RP2: variants seen among roughly 807,000 people sequenced by gnomAD.
RP2 encodes the protein RP2 activator of ARL3 GTPase.
RP2 carries 3 observed loss-of-function variants against 20.3 expected under a neutral mutation model. That is an observed-to-expected ratio of 0.15 (90% CI 0.07 to 0.38). The LOEUF is 0.38. RP2 is among the 10% of genes least tolerant of loss of function. RP2 has a pLI of 1.00. For missense variants in RP2, 233 were observed against 268.5 expected, an observed-to-expected ratio of 0.87 and a Z score of 0.92; for synonymous variants, 75 against 94.8, an observed-to-expected ratio of 0.79 and a Z score of 1.22.
chrX:46,847,724 G>GTGTATATATACACACATA (rs1569531354), intron 1 of RP2, among the ~76,000 whole-genome samples: 1 of 96,634 alleles, frequency 1.0e-5, no homozygotes, highest in African/African-American at 3.8e-5. Flanking sequence ...ACATATATGT[G>GTGTATATATACACACATA]TGTGTGTATA....
intron 4 of RP2, 38 bp downstream of exon 4, chrX:46,877,628 TC>T (rs1556327887): frequency 3.2e-6 from 3 of 934,526 alleles, no homozygotes; most frequent in Middle Eastern, 2.7e-4. Flanking sequence ...ATCTAACTTT[TC>T]ATTTCATCTC....
intron 2 of RP2, among the ~76,000 whole-genome samples, chrX:46,856,520 C>CT (rs1209215077): frequency 8.9e-6 from 1 of 112,178 alleles, no homozygotes; most frequent in Non-Finnish European, 1.9e-5. Flanking sequence ...GAAATAGGTG[C>CT]TATTATTCCC....
At chrX:46,863,310 G>A (rs1225480718) in intron 3 of RP2, among the ~76,000 whole-genome samples, 2 of 112,488 alleles carry the variant, frequency 1.8e-5, no homozygotes, top group Admixed American at 9.5e-5. Context: ...GATAGATGGT[G>A]TTTATTTTGT....
intron 1 of RP2, among the ~76,000 whole-genome samples, chrX:46,841,195 A>G (rs1203088531): frequency 1.8e-5 from 2 of 111,538 alleles, no homozygotes; most frequent in Non-Finnish European, 3.8e-5. Context: ...GGCTTCGTTG[A>G]GGACCTGATC....
chrX:46,853,299 A>C (rs1556318469), intron 1 of RP2, among the ~76,000 whole-genome samples, 177 bp from the exon 2 acceptor site: 1 of 111,670 alleles, frequency 9.0e-6, no homozygotes, highest in Non-Finnish European at 1.9e-5. Flanking sequence ...CATAGGTTTT[A>C]TATTATTATT....
intron 1 of RP2, among the ~76,000 whole-genome samples, chrX:46,839,866 T>C (rs184834205): frequency 1.8e-5 from 2 of 112,882 alleles, no homozygotes; most frequent in African/African-American, 6.4e-5. Flanking sequence ...ACCATTCAAC[T>C]TGTAAGACTT....
At chrX:46,838,326 C>T (rs1924552660) in intron 1 of RP2, among the ~76,000 whole-genome samples, 1 of 112,060 alleles carries the variant, frequency 8.9e-6, no homozygotes, top group Non-Finnish European at 1.9e-5. Context: ...TTCTCATACA[C>T]ACCCTTCTTG....
rs1569531829 is a variant in RP2, at chrX:46,860,081, T to A, written c.862T>A (p.Phe288Ile). 1 of 1,194,976 alleles carries A rather than the reference T, an allele frequency of 8.4e-7. No individual in the cohort carries two copies. The change falls in exon 3 of 5, where the codon TTC (phenylalanine) becomes ATC (isoleucine). Residue 288 changes from phenylalanine to isoleucine, a missense_variant. Around this residue, in one of 3 missense-constraint regions of RP2, gnomAD observed 118 missense variants for 123.8 expected, o/e 0.95. Transcript: ENST00000218340. The part of the protein sequence containing the change: ...QRVFREKAPD[F>I]LPLLNKGPVI... ...GGTTTTTCGGGAAAAAGCACCTGAC[T>A]TCCTTCCTCTTCTGAACAAAGGTAC...
intron 1 of RP2, among the ~76,000 whole-genome samples, chrX:46,837,431 TGTC>T (rs1418313674): frequency 9.0e-6 from 1 of 111,671 alleles, no homozygotes; most frequent in African/African-American, 3.3e-5. Flanking sequence ...AGGAGTTTGT[TGTC>T]GTGGTAGACA....
At chrX:46,845,540 A>C (rs1483807316) in intron 1 of RP2, among the ~76,000 whole-genome samples, 1 of 111,684 alleles carries the variant, frequency 9.0e-6, no homozygotes, top group Non-Finnish European at 1.9e-5. Flanking sequence ...TCACCAATCA[A>C]GATATAAAAT....
At position 46,862,443 on chromosome X, in the gene RP2, A is replaced by G. The variant is rs782212034; in HGVS notation, c.883+2341A>G. ...TGGGAGGCCAAGGCGGGCAGATCAC[A>G]AGGTCAGGAGATCAAGACCATCCTG... On this transcript the variant is annotated intron_variant, in intron 3 of 4. Transcript: ENST00000218340. Among the ~76,000 whole-genome samples, 421 of 108,461 alleles carry G rather than the reference A, an allele frequency of 3.9e-3. 1 individual carries two copies. Among genetic ancestry groups the G allele is most frequent in the Non-Finnish European group, 6.4e-3 (335 of 52,188 alleles). 94.2% of individuals were successfully genotyped at this position (108,461 alleles called of 115,157 possible). A position where few individuals can be genotyped will look rare whatever the true frequency, so the allele number is the denominator to read the frequency against.
intron 1 of RP2, among the ~76,000 whole-genome samples, chrX:46,846,851 G>C (rs1556316260): frequency 9.0e-6 from 1 of 110,749 alleles, no homozygotes; most frequent in African/African-American, 3.3e-5. Context: ...AGCCTCCCAA[G>C]TAGCTAGGAC....
chrX:46,851,659 C>T (rs1030915900), intron 1 of RP2, among the ~76,000 whole-genome samples: 3 of 109,739 alleles, frequency 2.7e-5, no homozygotes, highest in Admixed American at 9.7e-5. Flanking sequence ...AGGCCGGGCA[C>T]GGTGGCTCAC....
intron 1 of RP2, among the ~76,000 whole-genome samples, chrX:46,847,735 T>C (rs9779444): frequency 1.2e-4 from 11 of 94,147 alleles, no homozygotes; most frequent in East Asian, 1.0e-3. Flanking sequence ...TGTGTGTATA[T>C]ACACACATAT....
At chrX:46,876,685 T>C (rs1233363900) in intron 3 of RP2, among the ~76,000 whole-genome samples, 1 of 111,665 alleles carries the variant, frequency 9.0e-6, no homozygotes, top group Non-Finnish European at 1.9e-5. Context: ...ACCTTTTCTT[T>C]CTCATTCTTG....
intron 3 of RP2, among the ~76,000 whole-genome samples, chrX:46,875,451 G>T (rs1450408481): frequency 9.0e-6 from 1 of 110,646 alleles, no homozygotes; most frequent in Non-Finnish European, 1.9e-5. Context: ...AGAAAAATAA[G>T]CATCAATTTT....
intron 3 of RP2, among the ~76,000 whole-genome samples, chrX:46,870,429 A>T (rs1030202759): frequency 1.8e-4 from 20 of 110,302 alleles, no homozygotes; most frequent in African/African-American, 6.3e-4. Flanking sequence ...TTTTTAAACA[A>T]TGTTGTAGAG....
chrX:46,864,085 G>A (rs782389695), intron 3 of RP2, among the ~76,000 whole-genome samples: 4 of 110,794 alleles, frequency 3.6e-5, no homozygotes, highest in Non-Finnish European at 7.6e-5. Context: ...GCTGAGGCAG[G>A]CGGATCACTT....
At chrX:46,866,833 A>C (rs1278975413) in intron 3 of RP2, among the ~76,000 whole-genome samples, 3 of 111,523 alleles carry the variant, frequency 2.7e-5, no homozygotes, top group Non-Finnish European at 5.6e-5. Flanking sequence ...AGTTTTGATG[A>C]GTGCATAAAG....
Sources: gnomAD v4.1 joint callset for allele counts (sites outside exome capture counted in the v4.1 genomes callset) on GRCh38, gnomAD v4.1.1 for gene constraint, gnomAD v4.1.1 regional missense constraint, MANE v1.5 for transcripts, NCBI Gene and HGNC (gene_info 2026-07-23, HGNC 2026-07-21) for gene names.